The following CRKL variants were observed in gnomAD, a reference collection of about 807,000 sequenced individuals.
CRKL encodes crk-like protein.
A neutral mutation model predicts 23.0 loss-of-function variants in CRKL; 3 were observed. The observed-to-expected ratio is 0.13, with a 90% CI of 0.06 to 0.34. The LOEUF is 0.34. CRKL is among the 10% of genes least tolerant of loss of function. CRKL has a pLI of 1.00. For missense variants in CRKL, 256 were observed against 394.5 expected (o/e 0.65, Z 2.97); for synonymous variants, 188 against 160.7 (o/e 1.17, Z -1.28).
At chr22:20,947,595 C>G (rs989451561) in intron 2 of CRKL, among the ~76,000 whole-genome samples, 1 of 147,450 alleles carries the variant, frequency 6.8e-6, no homozygotes, top group African/African-American at 2.5e-5. Context: ...CTGCCTTGGC[C>G]TCCCAAAGTG....
chr22:20,918,822 C>T (rs1038641811), intron 1 of CRKL, among the ~76,000 whole-genome samples: 2 of 152,082 alleles, frequency 1.3e-5, no homozygotes, highest in African/African-American at 4.8e-5. Flanking sequence ...GATCTCTTGC[C>T]CTCGTGATCC....
In CRKL at chr22:20,933,780, T is replaced by C. The variant is rs2147904437; in HGVS notation, c.313T>C (p.Tyr105His). 6.2e-7 allele frequency: 1 copy of C among 1,609,352 alleles called. No individual in the cohort carries two copies. Among genetic ancestry groups the C allele is most frequent in the Non-Finnish European group, 8.5e-7 (1 of 1,177,010 alleles). ...GAGTAATTTTCTTTCTCTCTTAAGGTATCCAAGCCCACCAATGGGATCTGT... is the reference window on the plus strand; with the variant it reads ...GAGTAATTTTCTTTCTCTCTTAAGGCATCCAAGCCCACCAATGGGATCTGT... ...TTTLIEPAPRYPSPPMGSVSA... is the reference protein window; with the variant it reads ...TTTLIEPAPRHPSPPMGSVSA... Residue 105 changes from tyrosine (Y) to histidine (H), a missense_variant and splice_region_variant, in exon 2 of 3, where the codon TAT becomes CAT. Physicochemically the swap from Tyr to His is moderately conservative, Grantham distance 83. Around this residue, in one of 3 missense-constraint regions of CRKL, gnomAD observed 42 missense variants for 32.7 expected, o/e 1.29. Transcript: ENST00000354336.
intron 1 of CRKL, among the ~76,000 whole-genome samples, 161 bp from the exon 2 acceptor site, chr22:20,933,618 A>C (rs1921545442): frequency 6.6e-6 from 1 of 152,180 alleles, no homozygotes; most frequent in African/African-American, 2.4e-5. Flanking sequence ...CAGTGAGCTA[A>C]GATCACGCTA....
intron 2 of CRKL, among the ~76,000 whole-genome samples, chr22:20,946,949 G>A (rs1168971645): frequency 1.3e-5 from 2 of 152,200 alleles, no homozygotes; most frequent in African/African-American, 4.8e-5. Flanking sequence ...TGGACAGCAG[G>A]CTGCATAACA....
intron 2 of CRKL, among the ~76,000 whole-genome samples, chr22:20,938,212 A>T (rs1921733795): frequency 6.6e-6 from 1 of 152,220 alleles, no homozygotes; most frequent in Non-Finnish European, 1.5e-5. Flanking sequence ...GAGAATGATG[A>T]TGGCTTAGGT....
chr22:20,939,250 T>C lies in CRKL; in HGVS notation c.777+5006T>C, dbSNP rs1001110504. 6.3e-3 allele frequency among the ~76,000 whole-genome samples: 852 copies of C among 135,606 alleles called. 7 individuals are homozygous for C. The highest frequency in any genetic ancestry group is 0.055 in the East Asian group (257 of 4,692). The allele number at this position is 135,606 out of a possible 152,430, so 89.0% of individuals were successfully genotyped here. Reference sequence around the variant, plus strand: ...ATAAGTTGCTTTTTTTTTTTTTTTTTTTTTTTTTGAGACAGAGTCTTGCTC... The same window carrying C: ...ATAAGTTGCTTTTTTTTTTTTTTTTCTTTTTTTTGAGACAGAGTCTTGCTC... On this transcript the variant is annotated intron_variant, in intron 2 of 2. Transcript: ENST00000354336.
chr22:20,922,244 A>G (rs543122571), intron 1 of CRKL, among the ~76,000 whole-genome samples: 9 of 151,752 alleles, frequency 5.9e-5, no homozygotes, highest in South Asian at 2.1e-4. Context: ...GATGGTCCCT[A>G]TATCTTGACC....
intron 2 of CRKL, among the ~76,000 whole-genome samples, chr22:20,940,365 T>A (rs562629367): frequency 1.3e-5 from 2 of 152,246 alleles, no homozygotes; most frequent in South Asian, 2.1e-4. Flanking sequence ...TTTGTCTGGG[T>A]TTCATTTCAA....
intron 1 of CRKL, among the ~76,000 whole-genome samples, chr22:20,926,488 A>T (rs1269652229): frequency 6.6e-6 from 1 of 152,120 alleles, no homozygotes; most frequent in Admixed American, 6.6e-5. Context: ...TGCCTTTGAG[A>T]CAAGAGAAAG....
chr22:20,917,592 G>A lies in CRKL; in HGVS notation c.-343G>A. On this transcript the variant is annotated 5_prime_UTR_variant, in exon 1 of 3. Coordinates refer to ENST00000354336, the MANE Select transcript of CRKL (RefSeq NM_005207.4). ...ACCCGTCGAGCTGCGGCGCCGGCGC[G>A]TTCCAGGCCGGGAGTCACTGGAGGC... 3.0e-6 allele frequency: 1 copy of A among 330,492 alleles called. No homozygotes were observed. Among genetic ancestry groups the A allele is most frequent in the East Asian group, 4.9e-5 (1 of 20,318 alleles). 20.5% of individuals were successfully genotyped at this position (330,492 alleles called of 1,614,324 possible).
At chr22:20,934,529 C>T (rs1921580293) in intron 2 of CRKL, among the ~76,000 whole-genome samples, 1 of 152,280 alleles carries the variant, frequency 6.6e-6, no homozygotes, top group South Asian at 2.1e-4. Context: ...AGCCACCATG[C>T]CTGGCCCATT....
chr22:20,935,654 G>A (rs1921632174), intron 2 of CRKL, among the ~76,000 whole-genome samples: 3 of 151,366 alleles, frequency 2.0e-5, no homozygotes, highest in Admixed American at 6.6e-5. Flanking sequence ...AGCCTCCCGA[G>A]TAGCGGGGCT....
intron 1 of CRKL, among the ~76,000 whole-genome samples, chr22:20,925,631 T>TCATA (rs1294259542): frequency 1.3e-5 from 2 of 152,206 alleles, no homozygotes; most frequent in Admixed American, 1.3e-4. Context: ...TGAGCTAAAA[T>TCATA]CATAACAAGT....
chr22:20,947,676 A>ATTTTTTTTTTT (rs59126952), intron 2 of CRKL, among the ~76,000 whole-genome samples: 3 of 90,528 alleles, frequency 3.3e-5, no homozygotes, highest in African/African-American at 4.4e-5. Flanking sequence ...TCTTTTTTTC[A>ATTTTTTTTTTT]TTTTTTTTTT....
At chr22:20,927,111 C>CAAAAAAAA (rs371278201) in intron 1 of CRKL, among the ~76,000 whole-genome samples, 1,283 of 48,436 alleles carry the variant, frequency 0.026, 106 homozygotes, top group East Asian at 0.081. Flanking sequence ...GACTCCGTCT[C>CAAAAAAAA]AAAAAAAAAA....
rs547496077 is a variant in CRKL at position 20,952,451 on chromosome 22, A to T, written c.*2606A>T. 4.3e-6 allele frequency: 1 copy of T among 231,238 alleles called. No homozygotes were observed. The highest frequency in any genetic ancestry group is 1.8e-4 in the South Asian group (1 of 5,494). The allele number at this position is 231,238 out of a possible 1,614,324, so 14.3% of individuals were successfully genotyped here. ...AAGGCGAGCTTGAGTTCTGCACTCCAGATATGTGCCAAAACTAGTAAAACT... is the reference window on the plus strand; with the variant it reads ...AAGGCGAGCTTGAGTTCTGCACTCCTGATATGTGCCAAAACTAGTAAAACT... On this transcript the variant is annotated 3_prime_UTR_variant, in exon 3 of 3. Coordinates refer to ENST00000354336, the MANE Select transcript of CRKL (RefSeq NM_005207.4).
At chr22:20,918,313 A>G (rs1339719719) in intron 1 of CRKL, 68 bp downstream of exon 1, 3 of 1,536,512 alleles carry the variant, frequency 2.0e-6, no homozygotes, top group African/African-American at 1.4e-5. Context: ...GTGCTTGTAT[A>G]GGGGGGTGGG....
At chr22:20,937,584 G>C (rs1427177312) in intron 2 of CRKL, among the ~76,000 whole-genome samples, 2 of 151,156 alleles carry the variant, frequency 1.3e-5, no homozygotes, top group Non-Finnish European at 2.9e-5. Flanking sequence ...GTAGGTGCCT[G>C]AGAGAGGTCA....
chr22:20,926,579 C>T (rs1205525651), intron 1 of CRKL, among the ~76,000 whole-genome samples: 1 of 151,992 alleles, frequency 6.6e-6, no homozygotes, highest in Non-Finnish European at 1.5e-5. Context: ...TGGTATTTAG[C>T]AATCTGATGG....
Sources: allele counts gnomAD v4.1 joint callset (sites outside exome capture counted in the v4.1 genomes callset), GRCh38; gene constraint gnomAD v4.1.1; regional missense constraint gnomAD v4.1.1; transcripts MANE v1.5; gene names NCBI Gene and HGNC (gene_info 2026-07-23, HGNC 2026-07-21).